The following TIMM44 variants were observed in gnomAD, a reference collection of about 807,000 sequenced individuals.
TIMM44 encodes translocase of inner mitochondrial membrane 44.
Under a neutral mutation model 63.8 loss-of-function variants are expected in TIMM44, and 37 were observed. The observed-to-expected ratio is 0.58, with a 90% CI of 0.45 to 0.76. The LOEUF (loss-of-function observed/expected upper bound fraction) is 0.76, where lower values mean the gene tolerates loss of function less well. Among genes scored for constraint, TIMM44 ranks in the 30% least tolerant of loss-of-function variants. TIMM44 has a pLI of 0.00. For synonymous variants in TIMM44, 239 were observed against 245.1 expected, an observed-to-expected ratio of 0.98 and a Z score of 0.23; for missense variants, 573 against 603.8, an observed-to-expected ratio of 0.95 and a Z score of 0.54.
At chr19:7,938,772 A>AC (rs1457306091) in intron 2 of TIMM44, among the ~76,000 whole-genome samples, 1 of 152,134 alleles carries the variant, frequency 6.6e-6, no homozygotes, top group Non-Finnish European at 1.5e-5. Flanking sequence ...ATGCCACAGC[A>AC]CTCCAGTCTG....
chr19:7,930,717 A>C (rs1488141370), intron 10 of TIMM44, among the ~76,000 whole-genome samples: 1 of 152,070 alleles, frequency 6.6e-6, no homozygotes, highest in African/African-American at 2.4e-5. Context: ...TGGGATTGAA[A>C]GCATAGGCCA....
Position 7,934,252 on chromosome 19 carries a change from C to T in TIMM44, c.394-14G>A, listed in dbSNP as rs1484782831. 4 of 1,610,466 alleles carry T rather than the reference C, an allele frequency of 2.5e-6. No homozygotes were observed. The African/African-American group carries it at 4.0e-5, about 16-fold the overall frequency. On this transcript the variant is annotated splice_polypyrimidine_tract_variant and intron_variant, in intron 4 of 12. Coordinates refer to ENST00000270538, the MANE Select transcript of TIMM44 (RefSeq NM_006351.4). The surrounding 1 kb of genome is among the most constrained non-coding windows in gnomAD (Gnocchi z 5.3). The stretch of plus-strand genomic sequence containing the variant: ...TTCGTGAAGGCTCTACTGAGACAGA[C>T]ACAGAGAGGGGGCGTTGGCACCGGC...
At chr19:7,932,800 C>G in intron 8 of TIMM44, 40 bp downstream of exon 8, 1 of 1,614,112 alleles carries the variant, frequency 6.2e-7, no homozygotes, top group Non-Finnish European at 8.5e-7. Context: ...GGGACCCCGC[C>G]CCACCACCAG....
intron 10 of TIMM44, among the ~76,000 whole-genome samples, chr19:7,930,460 C>T (rs934305499): frequency 6.6e-6 from 1 of 152,026 alleles, no homozygotes; most frequent in African/African-American, 2.4e-5. Context: ...AGACATGCAC[C>T]AGCATGCCTG....
At chr19:7,935,354 AG>A (rs1298262435) in intron 3 of TIMM44, 2 of 553,950 alleles carry the variant, frequency 3.6e-6, no homozygotes, top group African/African-American at 1.9e-5. Context: ...CAGTAGAGAC[AG>A]GGTTTTACCA....
chr19:7,943,652 G>A lies in TIMM44; in HGVS notation c.-1C>T, dbSNP rs1480229866. On this transcript the variant is annotated 5_prime_UTR_variant, in exon 1 of 13. Transcript: ENST00000270538. This position sits in a 1 kb window ranked among gnomAD's most constrained non-coding sequence, Gnocchi z 4.3. ...CACTCCGCAGGGCCGCCGCCGCCAT[G>A]TTGGAGAATCGTGTGACCTTCTCGC... is the stretch of plus-strand genomic sequence containing the variant. The A allele has an allele frequency of 3.2e-6, 5 of 1,565,158 alleles. No individual in the cohort carries two copies. The African/African-American group carries it at 6.8e-5, about 21-fold the overall frequency.
At chr19:7,942,258 G>A (rs1043936754) in intron 1 of TIMM44, among the ~76,000 whole-genome samples, 1 of 152,126 alleles carries the variant, frequency 6.6e-6, no homozygotes, top group Admixed American at 6.6e-5. Flanking sequence ...GCTTAAACCC[G>A]GGAGGTGGAG....
At chr19:7,932,532 G>A in intron 9 of TIMM44, 95 bp downstream of exon 9, 1 of 1,556,324 alleles carries the variant, frequency 6.4e-7, no homozygotes, top group Non-Finnish European at 8.8e-7. Context: ...CGGCAGCAGA[G>A]TTCCCTGGCA....
At position 7,938,209 on chromosome 19, in the gene TIMM44, G is replaced by A; in HGVS notation, c.142-12C>T. On this transcript the variant is annotated splice_polypyrimidine_tract_variant and intron_variant, in intron 2 of 12. Coordinates refer to ENST00000270538, the MANE Select transcript of TIMM44 (RefSeq NM_006351.4). Reference sequence around the variant, plus strand: ...GAATATGATTTGGACTAGAAAGAATGTACAAGAAAAAAAATTTAAAGAACA... The same window carrying A: ...GAATATGATTTGGACTAGAAAGAATATACAAGAAAAAAAATTTAAAGAACA... The A allele has an allele frequency of 6.2e-7, 1 of 1,607,676 alleles. No individual in the cohort carries two copies. Among genetic ancestry groups the A allele is most frequent in the Non-Finnish European group, 8.5e-7 (1 of 1,177,354 alleles).
chr19:7,937,951 G>C, intron 3 of TIMM44, 76 bp downstream of exon 3: 1 of 1,559,484 alleles, frequency 6.4e-7, no homozygotes, highest in Non-Finnish European at 8.8e-7. Context: ...CTGGGAGGTG[G>C]AGGTTGCAGT....
intron 3 of TIMM44, among the ~76,000 whole-genome samples, chr19:7,937,003 G>C (rs371767303): frequency 6.6e-6 from 1 of 152,252 alleles, no homozygotes; most frequent in East Asian, 1.9e-4. Flanking sequence ...TCGGGAGGCT[G>C]AGGCAGGAGA....
rs746009620 is a variant in TIMM44, at chr19:7,934,001, C to G, written c.546G>C (p.Gly182=). The G allele has an allele frequency of 6.2e-7, 1 of 1,614,054 alleles. No homozygotes were observed. Among genetic ancestry groups the G allele is most frequent in the South Asian group, 1.1e-5 (1 of 91,086 alleles). Residue 182 remains glycine (G), a splice_region_variant and synonymous_variant, in exon 6 of 13, where the codon GGG becomes GGC. Coordinates refer to ENST00000270538, the MANE Select transcript of TIMM44 (RefSeq NM_006351.4). The surrounding 1 kb of genome is among the most constrained non-coding windows in gnomAD (Gnocchi z 5.3). ...RTAAFRALSQ[G]VESVKKEIDD... ...CAATTTCCTTCTTCACGGACTCCAC[C>G]CCCTGCGAGGGAGGCACAGCGGGGC...
Position 7,940,077 on chromosome 19 carries a change from C to T in TIMM44, c.141+1025G>A, listed in dbSNP as rs148089263. On this transcript the variant is annotated intron_variant, in intron 2 of 12. Coordinates refer to ENST00000270538, the MANE Select transcript of TIMM44 (RefSeq NM_006351.4). ...AGCTACAAGAGAAAGCTGCATCCAG[C>T]CTGGTGCTCAGGCCCCGTGGAGTCA... Among the ~76,000 whole-genome samples, 7 of 152,212 alleles carry T rather than the reference C, an allele frequency of 4.6e-5. No individual in the cohort carries two copies. The East Asian group carries it at 1.2e-3, about 25-fold the overall frequency.
chr19:7,934,980 C>T lies in TIMM44; in HGVS notation c.393+85G>A. 1 of 1,328,472 alleles carries T rather than the reference C, an allele frequency of 7.5e-7. No individual in the cohort carries two copies. Among genetic ancestry groups the T allele is most frequent in the Non-Finnish European group, 1.1e-6 (1 of 943,676 alleles). The allele number at this position is 1,328,472 out of a possible 1,614,324, so 82.3% of individuals were successfully genotyped here. A position where few individuals can be genotyped will look rare whatever the true frequency, so the allele number is the denominator to read the frequency against. ...ACCCACTGCTGCCAAGCCACCCCCA[C>T]CCAGGAGCCGACTCTTCCTCCAGCC... On this transcript the variant is annotated intron_variant, in intron 4 of 12. Coordinates refer to ENST00000270538, the MANE Select transcript of TIMM44 (RefSeq NM_006351.4). The surrounding 1 kb of genome is among the most constrained non-coding windows in gnomAD (Gnocchi z 5.3).
Position 7,932,571 on chromosome 19 carries a change from AGGT to A in TIMM44, c.987+53_987+55del, listed in dbSNP as rs980274688. On this transcript the variant is annotated intron_variant, in intron 9 of 12. Transcript: ENST00000270538. ...CCCAGGGTGCCGGCTGCGGCGGGGG[AGGT>A]GGTGGAGCCAGGACCTGCCGCCTGG... 56 of 1,539,218 alleles carry A rather than the reference AGGT, an allele frequency of 3.6e-5. No individual in the cohort carries two copies. In the South Asian group the frequency reaches 4.6e-4, roughly 13 times the overall value.
At position 7,927,601 on chromosome 19, in the gene TIMM44, CAG is replaced by C. The variant is rs2074586923; in HGVS notation, c.1239+54_1239+55del. The C allele has an allele frequency of 2.6e-6, 4 of 1,546,284 alleles. No homozygotes were observed. In the South Asian group the frequency reaches 4.5e-5, roughly 17 times the overall value. ...GGGGTCTCTGCCAGGTGGCCACACA[CAG>C]ATCTTGGGGACAGGCGGTGTCATGT... On this transcript the variant is annotated intron_variant, in intron 12 of 12. Transcript: ENST00000270538.
In TIMM44 at chr19:7,933,042, G is replaced by A; in HGVS notation, c.770-110C>T. The A allele has an allele frequency of 1.1e-6, 1 of 875,112 alleles. No individual in the cohort carries two copies. The allele number at this position is 875,112 out of a possible 1,614,324, so 54.2% of individuals were successfully genotyped here. On this transcript the variant is annotated intron_variant, in intron 7 of 12. Transcript: ENST00000270538. This position sits in a 1 kb window ranked among gnomAD's most constrained non-coding sequence, Gnocchi z 4.3. ...CCCCTGCGGGATCCACCCTGACACG[G>A]GTGGGGTCAGGGAGGGGACGGCTGT...
intron 10 of TIMM44, among the ~76,000 whole-genome samples, chr19:7,930,331 C>T (rs1983944940): frequency 8.5e-6 from 1 of 118,292 alleles, no homozygotes; most frequent in Admixed American, 9.8e-5. Flanking sequence ...TTTTTGGAGA[C>T]AGAATCTTGC....
chr19:7,933,310 G>A lies in TIMM44; in HGVS notation c.769+175C>T, dbSNP rs140229277. On this transcript the variant is annotated intron_variant, in intron 7 of 12. Transcript: ENST00000270538. This position sits in a 1 kb window ranked among gnomAD's most constrained non-coding sequence, Gnocchi z 4.3. The stretch of plus-strand genomic sequence containing the variant: ...TATGAGGGAGCACCTGGCTTCTGGC[G>A]GCAGAATCTACAGCCCCACCATCAT... 2.6e-5 allele frequency among the ~76,000 whole-genome samples: 4 copies of A among 152,096 alleles called. No homozygotes were observed. The highest frequency in any genetic ancestry group is 9.7e-5 in the African/African-American group (4 of 41,422).
Sources: gnomAD v4.1 joint callset for allele counts (sites outside exome capture counted in the v4.1 genomes callset) on GRCh38, gnomAD v4.1.1 for gene constraint, Gnocchi (gnomAD v3.1) non-coding constraint, MANE v1.5 for transcripts, NCBI Gene and HGNC (gene_info 2026-07-23, HGNC 2026-07-21) for gene names.